PDE4D: variants seen among roughly 807,000 people sequenced by gnomAD.
PDE4D encodes the protein 3',5'-cyclic-AMP phosphodiesterase 4D.
In PDE4D, 24 loss-of-function variants were observed where a neutral mutation model predicts 87.4. That is an observed-to-expected ratio of 0.27 (90% CI 0.20 to 0.39). The LOEUF (loss-of-function observed/expected upper bound fraction) is 0.39. Among genes scored for constraint, PDE4D ranks in the 10% least tolerant of loss-of-function variants. The pLI, the probability that PDE4D is intolerant of heterozygous loss-of-function variation, is 1.00. For missense variants in PDE4D, 714 were observed against 1,041.0 expected (o/e 0.69, Z 4.32); for synonymous variants, 384 against 383.2 (o/e 1.00, Z -0.02).
intron 1 of PDE4D, among the ~76,000 whole-genome samples, chr5:60,502,318 T>C (rs1310945977): frequency 1.3e-5 from 2 of 152,348 alleles, no homozygotes; most frequent in East Asian, 1.9e-4. Flanking sequence ...GTTGTAGATA[T>C]GTGGCATTAT....
chr5:60,180,262 T>G (rs1327605865), intron 2 of PDE4D, among the ~76,000 whole-genome samples: 1 of 152,210 alleles, frequency 6.6e-6, no homozygotes, highest in East Asian at 1.9e-4. Context: ...TCACATTTAT[T>G]TATACTCTTG....
intron 6 of PDE4D, among the ~76,000 whole-genome samples, chr5:59,030,724 C>T (rs1757228038): frequency 6.6e-6 from 1 of 152,170 alleles, no homozygotes; most frequent in East Asian, 1.9e-4. Flanking sequence ...GAGCAAGACC[C>T]TGTCTCAAAA....
rs1169844446 is a variant in PDE4D at position 59,668,815 on chromosome 5, A to G, written c.455+224353T>C. Among the ~76,000 whole-genome samples, 319 of 94,758 alleles carry G rather than the reference A, an allele frequency of 3.4e-3. 22 individuals carry two copies. Among genetic ancestry groups the G allele is most frequent in the Non-Finnish European group, 4.5e-3 (226 of 49,892 alleles). 62.2% of individuals were successfully genotyped at this position (94,758 alleles called of 152,430 possible). On this transcript the variant is annotated intron_variant, in intron 1 of 14. Coordinates refer to ENST00000340635, the MANE Select transcript of PDE4D (RefSeq NM_001104631.2). ...GAAAGAAGAAGAAGAAAGAAGAAGAAGAAGAAGAAGAAGAAGAGGAAGAGG... is the reference window on the plus strand; with the variant it reads ...GAAAGAAGAAGAAGAAAGAAGAAGAGGAAGAAGAAGAAGAAGAGGAAGAGG...
intron 5 of PDE4D, among the ~76,000 whole-genome samples, chr5:59,110,429 T>C (rs1273061295): frequency 6.6e-6 from 1 of 152,250 alleles, no homozygotes; most frequent in Non-Finnish European, 1.5e-5. Flanking sequence ...ATTTAAAATT[T>C]CTACAAGGTA....
chr5:59,663,224 G>C (rs569296899), intron 1 of PDE4D, among the ~76,000 whole-genome samples: 1 of 151,872 alleles, frequency 6.6e-6, no homozygotes. Context: ...GAGTACATTG[G>C]CGTGATCTTG....
At chr5:59,409,799 G>A (rs1354010907) in intron 1 of PDE4D, among the ~76,000 whole-genome samples, 1 of 151,956 alleles carries the variant, frequency 6.6e-6, no homozygotes, top group Non-Finnish European at 1.5e-5. Context: ...AATACATGGG[G>A]TAATTGAGGA....
At chr5:59,879,272 G>A (rs1561806796) in intron 1 of PDE4D, among the ~76,000 whole-genome samples, 1 of 152,198 alleles carries the variant, frequency 6.6e-6, no homozygotes. Flanking sequence ...CAGTGCCTCT[G>A]TAACATCTTA....
chr5:59,114,764 A>C (rs1773293682), intron 5 of PDE4D, among the ~76,000 whole-genome samples: 1 of 152,088 alleles, frequency 6.6e-6, no homozygotes, highest in Non-Finnish European at 1.5e-5. Context: ...AAACTTGATG[A>C]GAAATGAACT....
At chr5:59,248,884 T>C (rs1307495645) in intron 1 of PDE4D, among the ~76,000 whole-genome samples, 1 of 152,100 alleles carries the variant, frequency 6.6e-6, no homozygotes, top group African/African-American at 2.4e-5. Flanking sequence ...GATTAAGAGC[T>C]AGGTTAAAAA....
At chr5:58,998,976 ACAAT>A (rs138302970) in intron 6 of PDE4D, among the ~76,000 whole-genome samples, 35,687 of 151,968 alleles carry the variant, frequency 0.23, 5,151 homozygotes, top group Middle Eastern at 0.33. Flanking sequence ...AGTATAATAG[ACAAT>A]CAAGTTTTCA....
chr5:60,336,288 T>C (rs180957041), intron 1 of PDE4D, among the ~76,000 whole-genome samples: 1 of 152,334 alleles, frequency 6.6e-6, no homozygotes, highest in East Asian at 1.9e-4. Context: ...GTTCCAATAA[T>C]ATATAGATAA....
At chr5:59,999,671 A>T (rs943407940) in intron 2 of PDE4D, among the ~76,000 whole-genome samples, 1 of 152,020 alleles carries the variant, frequency 6.6e-6, no homozygotes, top group Non-Finnish European at 1.5e-5. Context: ...CACAGAAAAA[A>T]ATAACTAGGC....
At chr5:58,982,009 TGGCTA>T (rs1266818991) in intron 11 of PDE4D, among the ~76,000 whole-genome samples, 1 of 152,148 alleles carries the variant, frequency 6.6e-6, no homozygotes, top group Non-Finnish European at 1.5e-5. Flanking sequence ...GAGCTCAAAG[TGGCTA>T]GGTCTTAACT....
intron 1 of PDE4D, among the ~76,000 whole-genome samples, chr5:59,856,505 T>C (rs1182660601): frequency 6.6e-6 from 1 of 152,220 alleles, no homozygotes; most frequent in Non-Finnish European, 1.5e-5. Flanking sequence ...GACAGATTTC[T>C]TTTCAGAATA....
At chr5:59,388,626 TACACACACAC>T (rs71604788) in intron 1 of PDE4D, among the ~76,000 whole-genome samples, 4 of 148,214 alleles carry the variant, frequency 2.7e-5, no homozygotes, top group African/African-American at 9.9e-5. Flanking sequence ...GAAAATGTGG[TACACACACAC>T]ACACACACAC....
At chr5:59,774,945 TC>T (rs1763937368) in intron 1 of PDE4D, among the ~76,000 whole-genome samples, 1 of 152,138 alleles carries the variant, frequency 6.6e-6, no homozygotes, top group Non-Finnish European at 1.5e-5. Flanking sequence ...TCCTCCCACC[TC>T]GGCCTACCAA....
intron 1 of PDE4D, among the ~76,000 whole-genome samples, chr5:59,694,380 T>TG (rs1176605328): frequency 6.6e-6 from 1 of 152,172 alleles, no homozygotes; most frequent in Non-Finnish European, 1.5e-5. Context: ...TGTCTATGTC[T>TG]GGCACTGCGC....
intron 1 of PDE4D, among the ~76,000 whole-genome samples, chr5:59,540,067 G>T (rs927430806): frequency 6.6e-6 from 1 of 152,038 alleles, no homozygotes; most frequent in Non-Finnish European, 1.5e-5. Flanking sequence ...GATTCATTAG[G>T]CCTGAGATGG....
intron 3 of PDE4D, among the ~76,000 whole-genome samples, chr5:59,917,167 G>A (rs1423118618): frequency 6.6e-6 from 1 of 151,886 alleles, no homozygotes; most frequent in Non-Finnish European, 1.5e-5. Context: ...AAAAACTAAT[G>A]TATAGATTGA....
Sources: gnomAD v4.1 joint callset for allele counts (sites outside exome capture counted in the v4.1 genomes callset) on GRCh38, gnomAD v4.1.1 for gene constraint, MANE v1.5 for transcripts, NCBI Gene and HGNC (gene_info 2026-07-23, HGNC 2026-07-21) for gene names.